Variants in ATG10 observed in about 807,000 individuals in gnomAD.
ATG10 encodes autophagy related 10, also known as ubiquitin-like-conjugating enzyme ATG10.
A neutral mutation model predicts 32.1 loss-of-function variants in ATG10; 30 were observed. The ratio of observed to expected loss-of-function variants is 0.94; its 90% CI spans 0.70 to 1.27. ATG10 has a LOEUF of 1.27. Ranked by LOEUF, ATG10 falls within the 50% of genes most tolerant of loss-of-function variation. The probability of loss-of-function intolerance (pLI) is 0.00; values close to 1 mark genes in which losing one functional copy is unlikely to be tolerated. For missense variants in ATG10, 233 were observed against 262.3 expected, an observed-to-expected ratio of 0.89 and a Z score of 0.77; for synonymous variants, 87 against 91.5, an observed-to-expected ratio of 0.95 and a Z score of 0.28.
intron 2 of ATG10, among the ~76,000 whole-genome samples, chr5:81,993,348 T>TTTCC (rs1561244039): frequency 3.4e-5 from 1 of 29,044 alleles, no homozygotes; most frequent in Non-Finnish European, 6.2e-5. Flanking sequence ...TCTTTCTTTC[T>TTTCC]TTCTTTCTTT....
intron 2 of ATG10, among the ~76,000 whole-genome samples, chr5:82,023,700 A>G (rs1762512747): frequency 6.6e-6 from 1 of 152,238 alleles, no homozygotes; most frequent in African/African-American, 2.4e-5. Flanking sequence ...GAAACAGCTA[A>G]TAAAACCCAG....
intron 3 of ATG10, among the ~76,000 whole-genome samples, chr5:82,128,458 C>T (rs1428288397): frequency 6.6e-6 from 1 of 151,944 alleles, no homozygotes; most frequent in Admixed American, 6.6e-5. Flanking sequence ...GTGCTTACTT[C>T]AGGAGCTCTT....
chr5:82,064,614 A>G (rs576927859), intron 3 of ATG10, among the ~76,000 whole-genome samples: 97 of 152,200 alleles, frequency 6.4e-4, no homozygotes, highest in Admixed American at 5.6e-3. Flanking sequence ...AATTCCCCCA[A>G]AATAATACTT....
intron 3 of ATG10, among the ~76,000 whole-genome samples, chr5:82,135,165 C>T (rs546689133): frequency 6.6e-6 from 1 of 152,194 alleles, no homozygotes; most frequent in Admixed American, 6.5e-5. Flanking sequence ...TTAATCTTTT[C>T]AGAAAACCAT....
chr5:82,232,443 C>T (rs1190694473), intron 5 of ATG10, among the ~76,000 whole-genome samples: 1 of 152,080 alleles, frequency 6.6e-6, no homozygotes, highest in East Asian at 1.9e-4. Flanking sequence ...TTATACATTC[C>T]ACGACCTTGG....
intron 5 of ATG10, among the ~76,000 whole-genome samples, chr5:82,245,383 G>T (rs1746984704): frequency 6.6e-6 from 1 of 152,154 alleles, no homozygotes; most frequent in African/African-American, 2.4e-5. Flanking sequence ...CCGTTAACAT[G>T]CCTCAAATTA....
chr5:82,235,595 G>A (rs1352203768), intron 5 of ATG10, among the ~76,000 whole-genome samples: 1 of 152,184 alleles, frequency 6.6e-6, no homozygotes. Context: ...GTCACCCTCA[G>A]GTGAGGGCCG....
intron 2 of ATG10, among the ~76,000 whole-genome samples, chr5:82,055,890 T>C (rs1476315400): frequency 6.6e-6 from 1 of 152,192 alleles, no homozygotes; most frequent in Non-Finnish European, 1.5e-5. Flanking sequence ...TTACACAAAT[T>C]TTGTTACAAT....
chr5:82,248,062 C>T (rs551932004), intron 5 of ATG10, among the ~76,000 whole-genome samples: 12 of 152,276 alleles, frequency 7.9e-5, no homozygotes, highest in Non-Finnish European at 1.2e-4. Context: ...ATTGGGAACA[C>T]GCTAAAAACT....
At chr5:81,977,510 G>T (rs1045843516) in intron 1 of ATG10, among the ~76,000 whole-genome samples, 1 of 152,236 alleles carries the variant, frequency 6.6e-6, no homozygotes, top group East Asian at 1.9e-4. Context: ...CTTGAAGAGC[G>T]GGTTCCCCAT....
At chr5:82,096,259 G>T (rs1411692286) in intron 3 of ATG10, among the ~76,000 whole-genome samples, 1 of 152,134 alleles carries the variant, frequency 6.6e-6, no homozygotes, top group African/African-American at 2.4e-5. Context: ...TGTCTATTTT[G>T]TCAGATGATT....
chr5:82,003,557 C>A (rs765805797), intron 2 of ATG10, among the ~76,000 whole-genome samples: 5 of 152,146 alleles, frequency 3.3e-5, no homozygotes, highest in African/African-American at 4.8e-5. Flanking sequence ...AAAGATAAGA[C>A]AATTTGAGTA....
intron 5 of ATG10, among the ~76,000 whole-genome samples, chr5:82,192,224 T>C (rs1201865450): frequency 6.6e-6 from 1 of 152,138 alleles, no homozygotes; most frequent in Non-Finnish European, 1.5e-5. Flanking sequence ...GGAGTGGGGA[T>C]GTGATTCTAG....
chr5:82,235,981 G>A (rs1321574930), intron 5 of ATG10, among the ~76,000 whole-genome samples: 1 of 152,146 alleles, frequency 6.6e-6, no homozygotes. Context: ...GTTTTTGGCT[G>A]TTGACTCTAA....
At chr5:82,013,778 T>G (rs1581598560) in intron 2 of ATG10, among the ~76,000 whole-genome samples, 1 of 152,234 alleles carries the variant, frequency 6.6e-6, no homozygotes, top group Non-Finnish European at 1.5e-5. Context: ...TTTTTTCATA[T>G]GTTTGTTGGC....
At chr5:82,236,591 G>A (rs1335314596) in intron 5 of ATG10, among the ~76,000 whole-genome samples, 1 of 152,108 alleles carries the variant, frequency 6.6e-6, no homozygotes, top group East Asian at 1.9e-4. Context: ...TAGTAGAGGA[G>A]GTGGTATCTG....
chr5:82,053,863 G>A (rs1163160266), intron 2 of ATG10, among the ~76,000 whole-genome samples: 1 of 152,150 alleles, frequency 6.6e-6, no homozygotes, highest in African/African-American at 2.4e-5. Context: ...GACTGGCCAA[G>A]TTGCCAGAAA....
At chr5:82,043,761 T>C (rs1268990645) in intron 2 of ATG10, among the ~76,000 whole-genome samples, 1 of 152,192 alleles carries the variant, frequency 6.6e-6, no homozygotes, top group Non-Finnish European at 1.5e-5. Flanking sequence ...TGCTAAAGCA[T>C]AGCAAGAGTG....
intron 3 of ATG10, among the ~76,000 whole-genome samples, chr5:82,066,067 G>A (rs1369139163): frequency 6.6e-6 from 1 of 152,060 alleles, no homozygotes; most frequent in East Asian, 1.9e-4. Flanking sequence ...TTAATAATAA[G>A]TAGTAAAAAT....
Sources: gnomAD v4.1 joint callset for allele counts (sites outside exome capture counted in the v4.1 genomes callset) on GRCh38, gnomAD v4.1.1 for gene constraint, MANE v1.5 for transcripts, NCBI Gene and HGNC (gene_info 2026-07-23, HGNC 2026-07-21) for gene names.